C10orf88: variants seen among roughly 807,000 people sequenced by gnomAD.
C10orf88 encodes the protein ATPase PAAT.
C10orf88 carries 29 observed loss-of-function variants against 34.2 expected under a neutral mutation model. The ratio of observed to expected loss-of-function variants is 0.85; its 90% CI spans 0.63 to 1.16. C10orf88 has a LOEUF of 1.16. C10orf88 is among the 50% of genes most tolerant of loss of function. C10orf88 has a pLI of 0.00. For synonymous variants in C10orf88, 194 were observed against 197.4 expected (o/e 0.98, Z 0.15); for missense variants, 507 against 533.2 (o/e 0.95, Z 0.48).
In C10orf88 at chr10:122,948,682, C is replaced by G. The variant is rs561573229; in HGVS notation, c.615G>C (p.Gln205His). The change falls in exon 4 of 6, where the codon CAG becomes CAC. Residue 205 changes from glutamine (Q) to histidine (H), a missense_variant. Transcript: ENST00000481909. ...GACACCTAACCATATCCATCAACTG[C>G]TGAGCTCCAGGAGATAACTTTGACC... ...SMGSKLSPGAQQLMDMVRCQQ... is the reference protein window; with the variant it reads ...SMGSKLSPGAHQLMDMVRCQQ... The G allele has an allele frequency of 6.2e-7, 1 of 1,613,946 alleles. No individual in the cohort carries two copies. The highest frequency in any genetic ancestry group is 1.3e-5 in the African/African-American group (1 of 75,042).
intron 5 of C10orf88, among the ~76,000 whole-genome samples, chr10:122,935,357 A>AT (rs1197169345): frequency 6.6e-6 from 1 of 151,994 alleles, no homozygotes; most frequent in Non-Finnish European, 1.5e-5. Flanking sequence ...GTCACAATTC[A>AT]TTTTTTGCCT....
At position 122,931,555 on chromosome 10, in the gene C10orf88, C is replaced by A. The variant is rs1848484882; in HGVS notation, c.*872G>T. ...TTTTATATGCAAATATATCACCCTT[C>A]AATGCATATACAATAGTTATAAGGT... is the stretch of plus-strand genomic sequence containing the variant. On this transcript the variant is annotated 3_prime_UTR_variant, in exon 6 of 6. Coordinates refer to ENST00000481909, the MANE Select transcript of C10orf88 (RefSeq NM_024942.4). 1 of 152,128 alleles carries A rather than the reference C, an allele frequency of 6.6e-6. No individual in the cohort carries two copies. The highest frequency in any genetic ancestry group is 2.4e-5 in the African/African-American group (1 of 41,416). The allele number at this position is 152,128 out of a possible 1,614,324, so 9.4% of individuals were successfully genotyped here. A position where few individuals can be genotyped will look rare whatever the true frequency, so the allele number is the denominator to read the frequency against.
rs140824951 is a variant in C10orf88, at chr10:122,947,768, T to C, written c.648+881A>G. On this transcript the variant is annotated intron_variant, in intron 4 of 5. Transcript: ENST00000481909. The stretch of plus-strand genomic sequence containing the variant: ...CTCCTCCTTTGGGCTGCATTTATAT[T>C]ATTAGTATCACCATCTTCAAAGCCT... Among the ~76,000 whole-genome samples, 457 of 152,334 alleles carry C rather than the reference T, an allele frequency of 3.0e-3. 2 individuals carry two copies. Among genetic ancestry groups the C allele is most frequent in the African/African-American group, 0.01 (428 of 41,570 alleles).
At chr10:122,952,374 T>C (rs1848698214) in intron 2 of C10orf88, among the ~76,000 whole-genome samples, 1 of 152,142 alleles carries the variant, frequency 6.6e-6, no homozygotes, top group South Asian at 2.1e-4. Context: ...AGAAAAAAAA[T>C]CACAAGTTGC....
At chr10:122,934,310 C>T (rs1354255236) in intron 5 of C10orf88, among the ~76,000 whole-genome samples, 1 of 152,136 alleles carries the variant, frequency 6.6e-6, no homozygotes, top group Non-Finnish European at 1.5e-5. Context: ...CAATGATCTC[C>T]TCCCTGCTAC....
Position 122,932,610 on chromosome 10 carries a change from A to G in C10orf88, c.1155T>C (p.Asn385=), listed in dbSNP as rs1490495448. Residue 385 remains asparagine (N), a synonymous_variant, in exon 6 of 6, where the codon AAT becomes AAC. Coordinates refer to ENST00000481909, the MANE Select transcript of C10orf88 (RefSeq NM_024942.4). ...CSYLEKILSK[N]MELMEKKLMD... ...TAAGTTTCTTTTCCATCAGTTCCATATTTTTAGAAAGAATCTTTTCCAAGT... is the reference window on the plus strand; with the variant it reads ...TAAGTTTCTTTTCCATCAGTTCCATGTTTTTAGAAAGAATCTTTTCCAAGT... 1 of 1,613,520 alleles carries G rather than the reference A, an allele frequency of 6.2e-7. No individual in the cohort carries two copies. The highest frequency in any genetic ancestry group is 8.5e-7 in the Non-Finnish European group (1 of 1,179,782).
At chr10:122,948,590 T>TA in intron 4 of C10orf88, 59 bp downstream of exon 4, 1 of 1,507,302 alleles carries the variant, frequency 6.6e-7, no homozygotes, top group Non-Finnish European at 9.1e-7. Flanking sequence ...ATTTCTTTAC[T>TA]AAAAGCAATG....
At chr10:122,938,540 T>G (rs921885214) in intron 4 of C10orf88, among the ~76,000 whole-genome samples, 4 of 152,094 alleles carry the variant, frequency 2.6e-5, no homozygotes, top group Non-Finnish European at 5.9e-5. Context: ...TACTCTCAAC[T>G]GAGTCACAAG....
intron 4 of C10orf88, among the ~76,000 whole-genome samples, chr10:122,941,452 G>T: frequency 6.6e-6 from 1 of 152,126 alleles, no homozygotes. Context: ...AAGCCAGAGA[G>T]AAGCCAAAAC....
At chr10:122,934,754 G>A (rs1424483917) in intron 5 of C10orf88, among the ~76,000 whole-genome samples, 1 of 152,098 alleles carries the variant, frequency 6.6e-6, no homozygotes, top group Non-Finnish European at 1.5e-5. Flanking sequence ...TAGAGTGACT[G>A]TACCATTTTA....
rs148518263 is a variant in C10orf88 at position 122,948,518 on chromosome 10, A to T, written c.648+131T>A. ...AGAAGGGCAAATCTAACAAATGTTA[A>T]CTTCTACAAAACTAAAAGATAACAG... On this transcript the variant is annotated intron_variant, in intron 4 of 5. Coordinates refer to ENST00000481909, the MANE Select transcript of C10orf88 (RefSeq NM_024942.4). The T allele has an allele frequency of 4.0e-4, 324 of 816,426 alleles. 1 individual carries two copies. In the African/African-American group the frequency reaches 4.4e-3, roughly 11 times the overall value. The allele number at this position is 816,426 out of a possible 1,614,324, so 50.6% of individuals were successfully genotyped here. A position where few individuals can be genotyped will look rare whatever the true frequency, so the allele number is the denominator to read the frequency against.
At chr10:122,935,515 A>T (rs771846910) in intron 5 of C10orf88, among the ~76,000 whole-genome samples, 3 of 152,036 alleles carry the variant, frequency 2.0e-5, no homozygotes, top group Non-Finnish European at 4.4e-5. Flanking sequence ...ACAATAACAC[A>T]GTCTTGAATA....
intron 3 of C10orf88, among the ~76,000 whole-genome samples, chr10:122,950,651 T>C (rs545761254): frequency 6.6e-6 from 1 of 152,204 alleles, no homozygotes; most frequent in East Asian, 1.9e-4. Context: ...TTTATTTTAC[T>C]CATTGAGTCT....
At chr10:122,938,553 C>A (rs554243149) in intron 4 of C10orf88, among the ~76,000 whole-genome samples, 107 of 152,134 alleles carry the variant, frequency 7.0e-4, no homozygotes, top group Middle Eastern at 3.4e-3. Flanking sequence ...GTCACAAGAA[C>A]CGGTAAGTTT....
At chr10:122,935,749 C>A (rs778890757) in intron 5 of C10orf88, among the ~76,000 whole-genome samples, 2 of 151,790 alleles carry the variant, frequency 1.3e-5, no homozygotes, top group African/African-American at 2.4e-5. Context: ...GTCTTCAAAT[C>A]CATGAATATG....
At chr10:122,944,833 G>GA (rs1023001509) in intron 4 of C10orf88, among the ~76,000 whole-genome samples, 71 of 141,616 alleles carry the variant, frequency 5.0e-4, no homozygotes, top group Middle Eastern at 3.6e-3. Flanking sequence ...CTCTAAACTT[G>GA]AAAAAAAAAA....
intron 3 of C10orf88, 45 bp downstream of exon 3, chr10:122,951,909 C>T (rs767064780): frequency 8.1e-7 from 1 of 1,230,786 alleles, no homozygotes; most frequent in South Asian, 1.3e-5. Context: ...ACACAGAGTA[C>T]AAAAACAACT....
chr10:122,940,896 T>C (rs1393433224), intron 4 of C10orf88, among the ~76,000 whole-genome samples: 1 of 152,076 alleles, frequency 6.6e-6, no homozygotes, highest in African/African-American at 2.4e-5. Flanking sequence ...TAGAGAGAAC[T>C]GTGTCCATAT....
intron 4 of C10orf88, among the ~76,000 whole-genome samples, chr10:122,946,693 G>C (rs933732849): frequency 3.9e-5 from 6 of 152,150 alleles, no homozygotes; most frequent in African/African-American, 1.4e-4. Context: ...TGATGAAACT[G>C]ATACGGATTT....
Sources: gnomAD v4.1 joint callset for allele counts (sites outside exome capture counted in the v4.1 genomes callset) on GRCh38, gnomAD v4.1.1 for gene constraint, MANE v1.5 for transcripts, NCBI Gene and HGNC (gene_info 2026-07-23, HGNC 2026-07-21) for gene names.